The following P3H2 variants were observed in gnomAD, a reference collection of about 807,000 sequenced individuals.
P3H2 encodes the protein prolyl 3-hydroxylase 2, also known as leprecan-like 1.
Under a neutral mutation model 87.0 loss-of-function variants are expected in P3H2, and 80 were observed. The ratio of observed to expected loss-of-function variants is 0.92; its 90% CI spans 0.77 to 1.11. The LOEUF (loss-of-function observed/expected upper bound fraction) is 1.11. Among genes scored for constraint, P3H2 ranks in the 50% least tolerant of loss-of-function variants. The pLI is 0.00. For missense variants in P3H2, 1,001 were observed against 923.9 expected (o/e 1.08, Z -1.08); for synonymous variants, 367 against 359.3 (o/e 1.02, Z -0.24).
At chr3:190,060,348 C>T (rs991545562) in intron 1 of P3H2, among the ~76,000 whole-genome samples, 1 of 152,116 alleles carries the variant, frequency 6.6e-6, no homozygotes, top group Non-Finnish European at 1.5e-5. Flanking sequence ...ACAATGCATT[C>T]AGCATCCAAG....
At chr3:190,033,175 G>A (rs1725311412) in intron 1 of P3H2, among the ~76,000 whole-genome samples, 1 of 152,186 alleles carries the variant, frequency 6.6e-6, no homozygotes, top group Non-Finnish European at 1.5e-5. Flanking sequence ...TGGCAGTAAT[G>A]CAGGCGGTGG....
intron 13 of P3H2, chr3:189,970,010 T>C (rs1405739904): frequency 2.1e-5 from 12 of 567,722 alleles, no homozygotes; most frequent in Non-Finnish European, 3.5e-5. Flanking sequence ...CTATATGGTC[T>C]TTAAGTAGGC....
intron 1 of P3H2, among the ~76,000 whole-genome samples, chr3:190,066,517 G>T (rs1726510322): frequency 6.6e-6 from 1 of 152,024 alleles, no homozygotes; most frequent in Non-Finnish European, 1.5e-5. Context: ...AGGGATAAAA[G>T]ACTACAAATT....
chr3:189,970,684 C>G, intron 13 of P3H2, 132 bp downstream of exon 13: 1 of 659,728 alleles, frequency 1.5e-6, no homozygotes, highest in Non-Finnish European at 2.8e-6. Flanking sequence ...TATACATTTA[C>G]TGAAACTCTC....
chr3:190,048,969 G>A (rs955546147), intron 1 of P3H2, among the ~76,000 whole-genome samples: 5 of 152,092 alleles, frequency 3.3e-5, no homozygotes, highest in Non-Finnish European at 5.9e-5. Flanking sequence ...GAACAAAAAC[G>A]GGCTGCCTCT....
At chr3:189,962,573 T>C (rs1297992199) in intron 14 of P3H2, among the ~76,000 whole-genome samples, 1 of 152,246 alleles carries the variant, frequency 6.6e-6, no homozygotes, top group Non-Finnish European at 1.5e-5. Flanking sequence ...TACTGTTCTC[T>C]TCTTACAGCG....
chr3:190,115,824 C>A lies in P3H2; in HGVS notation c.480+4428G>T, dbSNP rs28588738. Among the ~76,000 whole-genome samples the A allele has an allele frequency of 6.6e-3, 1,008 of 152,240 alleles. 8 individuals are homozygous for A. Among genetic ancestry groups the A allele is most frequent in the African/African-American group, 0.023 (962 of 41,546 alleles). On this transcript the variant is annotated intron_variant, in intron 1 of 14. Transcript: ENST00000319332. Reference sequence around the variant, plus strand: ...AGTTATTATTCATTCAACAAACATACACTGAACCACCCCCTGTTTTAGGTA... The same window carrying A: ...AGTTATTATTCATTCAACAAACATAAACTGAACCACCCCCTGTTTTAGGTA...
intron 1 of P3H2, among the ~76,000 whole-genome samples, chr3:190,074,399 T>C (rs1726801912): frequency 6.6e-6 from 1 of 152,080 alleles, no homozygotes; most frequent in Non-Finnish European, 1.5e-5. Context: ...TAATCCAAGC[T>C]ACTCCAGAAG....
chr3:190,026,627 A>C (rs1004900567), intron 1 of P3H2, among the ~76,000 whole-genome samples: 4 of 152,168 alleles, frequency 2.6e-5, no homozygotes, highest in Admixed American at 6.5e-5. Flanking sequence ...TAATCATAAA[A>C]ATAGGCAACC....
intron 1 of P3H2, among the ~76,000 whole-genome samples, chr3:190,116,860 A>G (rs1712307554): frequency 6.6e-6 from 1 of 152,252 alleles, no homozygotes; most frequent in Admixed American, 6.5e-5. Context: ...ACGTGAAACT[A>G]CTGCCTCATA....
chr3:190,018,560 T>G (rs147651259), intron 1 of P3H2, among the ~76,000 whole-genome samples: 1 of 152,054 alleles, frequency 6.6e-6, no homozygotes, highest in East Asian at 1.9e-4. Context: ...AATTTAAAAA[T>G]TAGCTGGGCA....
chr3:190,036,240 A>G (rs1725421664), intron 1 of P3H2, among the ~76,000 whole-genome samples: 1 of 152,130 alleles, frequency 6.6e-6, no homozygotes, highest in East Asian at 1.9e-4. Context: ...GTTAGTCTCA[A>G]ATTTCTGATT....
chr3:190,023,926 T>C (rs1725008100), intron 1 of P3H2, among the ~76,000 whole-genome samples: 1 of 152,242 alleles, frequency 6.6e-6, no homozygotes, highest in Non-Finnish European at 1.5e-5. Flanking sequence ...ATACCACTTA[T>C]TTTTATGCAT....
chr3:190,057,778 G>A (rs983824431), intron 1 of P3H2, among the ~76,000 whole-genome samples: 1 of 152,042 alleles, frequency 6.6e-6, no homozygotes, highest in Non-Finnish European at 1.5e-5. Flanking sequence ...TTTTTCCATC[G>A]AAACATGGGA....
At chr3:189,959,994 G>A (rs10433361) in intron 14 of P3H2, among the ~76,000 whole-genome samples, 10,351 of 151,114 alleles carry the variant, frequency 0.068, 965 homozygotes, top group East Asian at 0.32. Flanking sequence ...TCCGACTCCT[G>A]CCGCCTCCAC....
chr3:189,973,002 G>A lies in P3H2; in HGVS notation c.1571C>T (p.Pro524Leu). 6.2e-7 allele frequency: 1 copy of A among 1,612,234 alleles called. No homozygotes were observed. The highest frequency in any genetic ancestry group is 1.7e-4 in the Middle Eastern group (1 of 6,060). The change falls in exon 11 of 15, where the codon CCA becomes CTA. Residue 524 changes from proline to leucine, a missense_variant. Coordinates refer to ENST00000319332, the MANE Select transcript of P3H2 (RefSeq NM_018192.4). ...ALKSGYEGRV[P>L]LKSARLFYDI... ...ATAAAACAGACGAGCGCTCTTCAGTGGGACTCGACCTTCATAACCAGACTG... is the reference window on the plus strand; with the variant it reads ...ATAAAACAGACGAGCGCTCTTCAGTAGGACTCGACCTTCATAACCAGACTG...
At chr3:189,992,919 CTTTCTA>C (rs1204342893) in intron 3 of P3H2, among the ~76,000 whole-genome samples, 3 of 152,188 alleles carry the variant, frequency 2.0e-5, no homozygotes, top group South Asian at 2.1e-4. Flanking sequence ...TTTTGCAATA[CTTTCTA>C]TTTGTGTTTG....
rs767531569 is a variant in P3H2 at position 189,988,909 on chromosome 3, C to T, written c.953G>A (p.Arg318Gln). 12 of 1,613,930 alleles carry T rather than the reference C, an allele frequency of 7.4e-6. No individual in the cohort carries two copies. Among genetic ancestry groups the T allele is most frequent in the East Asian group, 4.5e-5 (2 of 44,864 alleles). The change falls in exon 4 of 15, where the codon CGA becomes CAA. Residue 318 changes from arginine (R) to glutamine (Q), a missense_variant and splice_region_variant. Coordinates refer to ENST00000319332, the MANE Select transcript of P3H2 (RefSeq NM_018192.4). ...HYDYLQFAYY[R>Q]VGEYVKALEC... is the part of the protein sequence containing the mutation. ...TTCACGGATGATCCACGCTTTACCTCGATAGTAGGCAAACTGTAGGTAATC... is the reference window on the plus strand; with the variant it reads ...TTCACGGATGATCCACGCTTTACCTTGATAGTAGGCAAACTGTAGGTAATC...
intron 1 of P3H2, among the ~76,000 whole-genome samples, chr3:190,092,360 C>A (rs932261745): frequency 5.9e-5 from 9 of 152,210 alleles, no homozygotes; most frequent in African/African-American, 1.9e-4. Flanking sequence ...AACCCCAATG[C>A]CATGAGTCAC....
Sources: gnomAD v4.1 joint callset for allele counts (sites outside exome capture counted in the v4.1 genomes callset) on GRCh38, gnomAD v4.1.1 for gene constraint, MANE v1.5 for transcripts, NCBI Gene and HGNC (gene_info 2026-07-23, HGNC 2026-07-21) for gene names.